MCM9: variants seen among roughly 807,000 people sequenced by gnomAD.
The protein encoded by MCM9 is minichromosome maintenance 9 homologous recombination repair factor.
MCM9 carries 55 observed loss-of-function variants against 72.8 expected under a neutral mutation model. The observed-to-expected ratio is 0.76, with a 90% CI of 0.61 to 0.95. The LOEUF is 0.95. Among genes scored for constraint, MCM9 ranks in the 40% least tolerant of loss-of-function variants. The probability of loss-of-function intolerance (pLI) is 0.00; values close to 1 mark genes in which losing one functional copy is unlikely to be tolerated. For synonymous variants in MCM9, 480 were observed against 503.4 expected, an observed-to-expected ratio of 0.95 and a Z score of 0.62; for missense variants, 1,279 against 1,377.0, an observed-to-expected ratio of 0.93 and a Z score of 1.13.
At chr6:118,916,448 A>C (rs201416766) in intron 6 of MCM9, among the ~76,000 whole-genome samples, 34,906 of 146,744 alleles carry the variant, frequency 0.24, 4,695 homozygotes, top group African/African-American at 0.34. Context: ...TATTATTATT[A>C]TTATTATTAT....
chr6:118,877,986 A>G (rs1778045417), intron 8 of MCM9, among the ~76,000 whole-genome samples: 1 of 152,158 alleles, frequency 6.6e-6, no homozygotes, highest in African/African-American at 2.4e-5. Flanking sequence ...ACAGAGTGAG[A>G]GTTCATCTCT....
In MCM9 at chr6:118,867,928, A is replaced by G. The variant is rs542046442; in HGVS notation, c.1151-11383T>C. Among the ~76,000 whole-genome samples, 3 of 139,458 alleles carry G rather than the reference A, an allele frequency of 2.2e-5. No homozygotes were observed. In the East Asian group the frequency reaches 6.3e-4, roughly 29 times the overall value. The allele number at this position is 139,458 out of a possible 152,430, so 91.5% of individuals were successfully genotyped here. ...GTCTCACTCTGGTGCCCAGGCTGGAATGCAATGGTGTGATCTCAGCTCACT... is the reference window on the plus strand; with the variant it reads ...GTCTCACTCTGGTGCCCAGGCTGGAGTGCAATGGTGTGATCTCAGCTCACT... On this transcript the variant is annotated intron_variant, in intron 8 of 13. Coordinates refer to ENST00000619706, the MANE Select transcript of MCM9 (RefSeq NM_017696.3).
At chr6:118,853,776 G>A (rs1192307343) in intron 9 of MCM9, among the ~76,000 whole-genome samples, 1 of 152,138 alleles carries the variant, frequency 6.6e-6, no homozygotes, top group Non-Finnish European at 1.5e-5. Flanking sequence ...TCTAACTTGG[G>A]CAACAAAGTG....
rs1562407250 is a variant in MCM9, at chr6:118,843,696, A to ATGTATG, written c.1325+12674_1325+12675insCATACA. ...TATGTATATATATATGTGTATATAT[A>ATGTATG]TATATATGTATGTATATATATATGT... On this transcript the variant is annotated intron_variant, in intron 9 of 13. Transcript: ENST00000619706. Among the ~76,000 whole-genome samples the ATGTATG allele has an allele frequency of 4.7e-3, 485 of 102,356 alleles. 7 individuals are homozygous for ATGTATG. The highest frequency in any genetic ancestry group is 7.1e-3 in the Non-Finnish European group (393 of 55,690). 67.1% of individuals were successfully genotyped at this position (102,356 alleles called of 152,430 possible). A position where few individuals can be genotyped will look rare whatever the true frequency, so the allele number is the denominator to read the frequency against.
intron 7 of MCM9, 77 bp from the exon 8 acceptor site, chr6:118,911,846 G>C: frequency 9.2e-7 from 1 of 1,089,736 alleles, no homozygotes; most frequent in Non-Finnish European, 1.4e-6. Flanking sequence ...ATATTACATA[G>C]TGTTTTTACT....
At chr6:118,841,471 C>CT in intron 9 of MCM9, among the ~76,000 whole-genome samples, 1 of 152,330 alleles carries the variant, frequency 6.6e-6, no homozygotes, top group East Asian at 1.9e-4. Flanking sequence ...AAACAGGGTG[C>CT]TTGGGTACTG....
At chr6:118,900,622 G>GAGC in intron 8 of MCM9, 2 of 636,166 alleles carry the variant, frequency 3.1e-6, no homozygotes, top group Non-Finnish European at 5.7e-6. Context: ...ACTTTATAAG[G>GAGC]AGCATTTCAC....
chr6:118,878,856 A>C (rs1385766361), intron 8 of MCM9, among the ~76,000 whole-genome samples: 1 of 152,150 alleles, frequency 6.6e-6, no homozygotes, highest in Non-Finnish European at 1.5e-5. Flanking sequence ...CAGACGTTCA[A>C]GACCAGCCTG....
intron 3 of MCM9, among the ~76,000 whole-genome samples, chr6:118,929,563 T>C (rs1434845514): frequency 6.6e-6 from 1 of 152,244 alleles, no homozygotes; most frequent in Admixed American, 6.5e-5. Context: ...ATTGTATTAC[T>C]TAAACTCAGT....
chr6:118,927,491 G>A (rs747536629), intron 3 of MCM9, among the ~76,000 whole-genome samples: 1 of 151,964 alleles, frequency 6.6e-6, no homozygotes, highest in Non-Finnish European at 1.5e-5. Flanking sequence ...TGTAATCCCA[G>A]CTACTCGGGA....
At chr6:118,819,773 TATTA>T (rs1041519905) in intron 13 of MCM9, among the ~76,000 whole-genome samples, 96 of 152,210 alleles carry the variant, frequency 6.3e-4, no homozygotes, top group African/African-American at 2.3e-3. Context: ...GTTGGTAGGC[TATTA>T]ATTACTGCCT....
At chr6:118,833,591 G>T (rs1774742828) in intron 9 of MCM9, among the ~76,000 whole-genome samples, 1 of 152,148 alleles carries the variant, frequency 6.6e-6, no homozygotes, top group Non-Finnish European at 1.5e-5. Flanking sequence ...ATGGAAAATT[G>T]TTCAGTCTTA....
intron 8 of MCM9, 45 bp downstream of exon 8, chr6:118,911,605 C>T (rs770123070): frequency 6.3e-7 from 1 of 1,579,460 alleles, no homozygotes; most frequent in East Asian, 2.3e-5. Flanking sequence ...ATTGTGTTAA[C>T]TTCTGAAGTA....
intron 6 of MCM9, among the ~76,000 whole-genome samples, chr6:118,916,477 G>T (rs865839251): frequency 1.7e-3 from 211 of 126,624 alleles, no homozygotes; most frequent in Non-Finnish European, 2.7e-3. Context: ...TTATTATTAT[G>T]AGACAGAGTC....
chr6:118,860,359 T>G (rs1776824028), intron 8 of MCM9, among the ~76,000 whole-genome samples: 1 of 152,112 alleles, frequency 6.6e-6, no homozygotes, highest in African/African-American at 2.4e-5. Flanking sequence ...TTAATGGGTT[T>G]ATTAGCAGGC....
chr6:118,854,772 T>C (rs941884466), intron 9 of MCM9, among the ~76,000 whole-genome samples: 1 of 152,278 alleles, frequency 6.6e-6, no homozygotes, highest in Admixed American at 6.5e-5. Context: ...TATTGGGATA[T>C]GCTTTTTGTT....
At chr6:118,879,244 G>A in intron 8 of MCM9, among the ~76,000 whole-genome samples, 1 of 49,466 alleles carries the variant, frequency 2.0e-5, no homozygotes, top group South Asian at 1.2e-3. Context: ...TTAGAATGGA[G>A]GGGGAAAAAA....
intron 9 of MCM9, among the ~76,000 whole-genome samples, chr6:118,853,673 T>C (rs1166926424): frequency 1.3e-5 from 2 of 152,110 alleles, no homozygotes; most frequent in East Asian, 1.9e-4. Context: ...GGCATAGTGG[T>C]GCGTCCCCGT....
intron 8 of MCM9, 146 bp downstream of exon 8, chr6:118,911,504 A>G: frequency 7.4e-7 from 1 of 1,350,128 alleles, no homozygotes; most frequent in Non-Finnish European, 9.5e-7. Flanking sequence ...CTACCAAAAT[A>G]ACATTGCATA....
Sources: gnomAD v4.1 joint callset for allele counts (sites outside exome capture counted in the v4.1 genomes callset) on GRCh38, gnomAD v4.1.1 for gene constraint, MANE v1.5 for transcripts, NCBI Gene and HGNC (gene_info 2026-07-23, HGNC 2026-07-21) for gene names.